PITPNC1: variants seen among roughly 807,000 people sequenced by gnomAD.
The protein encoded by PITPNC1 is cytoplasmic phosphatidylinositol transfer protein 1.
Under a neutral mutation model 44.7 loss-of-function variants are expected in PITPNC1, and 18 were observed. That is an observed-to-expected ratio of 0.40 (90% CI 0.28 to 0.60). The LOEUF (loss-of-function observed/expected upper bound fraction) is 0.60, where lower values mean the gene tolerates loss of function less well. Among genes scored for constraint, PITPNC1 ranks in the 20% least tolerant of loss-of-function variants. The pLI is 0.39. For synonymous variants in PITPNC1, 141 were observed against 149.6 expected (o/e 0.94, Z 0.42); for missense variants, 290 against 418.4 (o/e 0.69, Z 2.68).
At chr17:67,502,148 AAAGT>A (rs143752881) in intron 1 of PITPNC1, among the ~76,000 whole-genome samples, 15,428 of 151,598 alleles carry the variant, frequency 0.1, 1,031 homozygotes, top group Middle Eastern at 0.2. Flanking sequence ...GACTAACAGC[AAAGT>A]AATAAGATGA....
intron 6 of PITPNC1, among the ~76,000 whole-genome samples, chr17:67,643,087 G>A (rs759366280): frequency 7.2e-5 from 11 of 152,120 alleles, no homozygotes; most frequent in Non-Finnish European, 1.6e-4. Flanking sequence ...TGGCATTGTG[G>A]GTCATTGAAT....
chr17:67,413,322 C>T (rs2038532277), intron 1 of PITPNC1, among the ~76,000 whole-genome samples: 1 of 152,152 alleles, frequency 6.6e-6, no homozygotes, highest in Non-Finnish European at 1.5e-5. Context: ...AAGTTTGACC[C>T]ATTAGCTCAG....
At chr17:67,579,669 T>C (rs1027443385) in intron 5 of PITPNC1, among the ~76,000 whole-genome samples, 9 of 140,238 alleles carry the variant, frequency 6.4e-5, no homozygotes, top group African/African-American at 2.1e-4. Context: ...CTGGGCGCGG[T>C]AGCTCACGCC....
At chr17:67,557,005 A>G (rs577770500) in intron 4 of PITPNC1, among the ~76,000 whole-genome samples, 1 of 152,210 alleles carries the variant, frequency 6.6e-6, no homozygotes, top group African/African-American at 2.4e-5. Flanking sequence ...CTGAAGGGAC[A>G]GTACAACTCC....
At chr17:67,561,693 T>A (rs2040909410) in intron 4 of PITPNC1, among the ~76,000 whole-genome samples, 1 of 152,230 alleles carries the variant, frequency 6.6e-6, no homozygotes, top group Non-Finnish European at 1.5e-5. Context: ...TCTGAAAGTT[T>A]CTTACCTGGC....
At chr17:67,475,647 A>G (rs934780566) in intron 1 of PITPNC1, among the ~76,000 whole-genome samples, 2 of 152,148 alleles carry the variant, frequency 1.3e-5, no homozygotes, top group African/African-American at 4.8e-5. Context: ...ATTGCACAGA[A>G]AGTTGAAAGT....
chr17:67,431,820 C>T (rs2038861140), intron 1 of PITPNC1, among the ~76,000 whole-genome samples: 1 of 152,188 alleles, frequency 6.6e-6, no homozygotes, highest in African/African-American at 2.4e-5. Flanking sequence ...AGATGAGTCA[C>T]TCTGAAAACT....
chr17:67,388,850 C>G (rs1455253554), intron 1 of PITPNC1, among the ~76,000 whole-genome samples: 4 of 152,332 alleles, frequency 2.6e-5, no homozygotes, highest in South Asian at 2.1e-4. Context: ...GAACTCCTGA[C>G]CTCCGGTGAT....
At chr17:67,392,944 A>G (rs746951337) in intron 1 of PITPNC1, among the ~76,000 whole-genome samples, 4 of 152,110 alleles carry the variant, frequency 2.6e-5, no homozygotes, top group African/African-American at 9.7e-5. Context: ...GTTGGCCAAC[A>G]TGGTGAAACC....
intron 2 of PITPNC1, 98 bp downstream of exon 2, chr17:67,533,048 C>G: frequency 1.1e-6 from 1 of 897,432 alleles, no homozygotes; most frequent in Non-Finnish European, 1.7e-6. Flanking sequence ...GAAAAGGTCA[C>G]TTGGAAAGTA....
intron 1 of PITPNC1, among the ~76,000 whole-genome samples, chr17:67,393,845 A>T (rs1208247114): frequency 6.6e-6 from 1 of 152,142 alleles, no homozygotes; most frequent in Non-Finnish European, 1.5e-5. Context: ...ATGTTAGCTT[A>T]TTTTTTGGGA....
chr17:67,661,139 C>A (rs548420780), intron 6 of PITPNC1, among the ~76,000 whole-genome samples: 11 of 151,508 alleles, frequency 7.3e-5, no homozygotes, highest in Non-Finnish European at 1.5e-4. Context: ...TGAGCCACCA[C>A]GCCCAGTCGA....
intron 5 of PITPNC1, among the ~76,000 whole-genome samples, chr17:67,601,437 C>T (rs1486836335): frequency 6.6e-6 from 1 of 152,066 alleles, no homozygotes; most frequent in African/African-American, 2.4e-5. Context: ...GCTGGTAGGC[C>T]AGTGAGTTTG....
intron 6 of PITPNC1, among the ~76,000 whole-genome samples, chr17:67,643,706 AATGGACAG>A (rs2042115663): frequency 6.6e-6 from 1 of 152,178 alleles, no homozygotes; most frequent in South Asian, 2.1e-4. Context: ...CCTTCCAAAG[AATGGACAG>A]ATGGACAGAT....
chr17:67,389,214 C>T (rs1427755688), intron 1 of PITPNC1, among the ~76,000 whole-genome samples: 1 of 152,254 alleles, frequency 6.6e-6, no homozygotes, highest in Non-Finnish European at 1.5e-5. Context: ...CACAACATGG[C>T]AGTTTGCTCT....
intron 1 of PITPNC1, among the ~76,000 whole-genome samples, chr17:67,384,949 A>T (rs1360887591): frequency 6.6e-6 from 1 of 152,248 alleles, no homozygotes; most frequent in Admixed American, 6.5e-5. Flanking sequence ...TCTGAATAAG[A>T]TAATTCTATA....
chr17:67,610,835 C>T (rs573930291), intron 5 of PITPNC1, among the ~76,000 whole-genome samples: 147 of 150,324 alleles, frequency 9.8e-4, no homozygotes, highest in African/African-American at 3.5e-3. Flanking sequence ...GCAGGAGAAT[C>T]GTTTGAACCC....
At chr17:67,425,203 G>GCGCACACACACACA (rs1370190915) in intron 1 of PITPNC1, among the ~76,000 whole-genome samples, 6 of 98,822 alleles carry the variant, frequency 6.1e-5, no homozygotes, top group East Asian at 3.6e-4. Flanking sequence ...GCACGCACAC[G>GCGCACACACACACA]CACACACACA....
chr17:67,457,893 C>T (rs1393595227), intron 1 of PITPNC1: 1 of 152,168 alleles, frequency 6.6e-6, no homozygotes, highest in Non-Finnish European at 1.5e-5. Flanking sequence ...AATCATGCTG[C>T]TCGGTTGTCT....
Sources: allele counts gnomAD v4.1 joint callset (sites outside exome capture counted in the v4.1 genomes callset), GRCh38; gene constraint gnomAD v4.1.1; transcripts MANE v1.5; gene names NCBI Gene and HGNC (gene_info 2026-07-23, HGNC 2026-07-21).